The following STIM1 variants were observed in gnomAD, a reference collection of about 807,000 sequenced individuals.
The protein encoded by STIM1 is stromal interaction molecule 1.
Under a neutral mutation model 74.7 loss-of-function variants are expected in STIM1, and 25 were observed. The ratio of observed to expected loss-of-function variants is 0.33; its 90% CI spans 0.24 to 0.47. The LOEUF is 0.47. Among genes scored for constraint, STIM1 ranks in the 20% least tolerant of loss-of-function variants. STIM1 has a pLI of 1.00. For missense variants in STIM1, 728 were observed against 920.8 expected, an observed-to-expected ratio of 0.79 and a Z score of 2.71; for synonymous variants, 328 against 348.8, an observed-to-expected ratio of 0.94 and a Z score of 0.66.
chr11:3,881,630 C>T (rs2091505371), intron 1 of STIM1, among the ~76,000 whole-genome samples: 1 of 151,958 alleles, frequency 6.6e-6, no homozygotes, highest in Non-Finnish European at 1.5e-5. Context: ...CTCAGCCTCC[C>T]AAAGTGCTGG....
chr11:4,013,778 C>T (rs2093866504), intron 2 of STIM1, among the ~76,000 whole-genome samples: 2 of 138,400 alleles, frequency 1.4e-5, no homozygotes, highest in Admixed American at 7.7e-5. Flanking sequence ...GATCTTGGCT[C>T]ACTGCAAGCT....
rs1219884557 is a variant in STIM1, at chr11:4,091,497, T to C, written c.1850T>C (p.Leu617Pro). Residue 617 changes from leucine to proline, a missense_variant, in exon 13 of 13, where the codon CTG becomes CCG. Leu to Pro is a moderately conservative substitution (Grantham distance 98). This residue lies in a region of STIM1 where 352 missense variants were observed against 370.1 expected (regional missense o/e 0.95). Coordinates refer to ENST00000526596, the MANE Select transcript of STIM1 (RefSeq NM_001382567.1). ...PALAKKALLALNHGLDKAHSL... is the reference protein window; with the variant it reads ...PALAKKALLAPNHGLDKAHSL... Reference sequence around the variant, plus strand: ...CTGGCCAAGAAGGCATTACTGGCGCTGAACCATGGGCTGGACAAGGCCCAC... The same window carrying C: ...CTGGCCAAGAAGGCATTACTGGCGCCGAACCATGGGCTGGACAAGGCCCAC... The C allele has an allele frequency of 1.9e-6, 3 of 1,614,074 alleles. No homozygotes were observed. The highest frequency in any genetic ancestry group is 2.5e-6 in the Non-Finnish European group (3 of 1,180,048).
intron 2 of STIM1, chr11:3,989,493 TCTGTG>T: frequency 1.6e-6 from 1 of 637,056 alleles, no homozygotes; most frequent in Non-Finnish European, 3.0e-6. Flanking sequence ...GTGCGGGATG[TCTGTG>T]AGCCGCGGCG....
chr11:3,906,859 T>C (rs1331547454), intron 1 of STIM1, among the ~76,000 whole-genome samples: 1 of 152,218 alleles, frequency 6.6e-6, no homozygotes, highest in Non-Finnish European at 1.5e-5. Flanking sequence ...TTAAGATAGG[T>C]ACTATTAGTA....
chr11:4,068,770 G>C (rs1460577215), intron 5 of STIM1, among the ~76,000 whole-genome samples: 1 of 152,134 alleles, frequency 6.6e-6, no homozygotes, highest in Non-Finnish European at 1.5e-5. Context: ...CCCATGTTCT[G>C]CTGCTCAGCC....
chr11:4,044,012 CA>C (rs1402863043), intron 3 of STIM1, among the ~76,000 whole-genome samples: 2 of 148,348 alleles, frequency 1.3e-5, no homozygotes, highest in African/African-American at 2.5e-5. Context: ...GACTCCGCCT[CA>C]AAAAAAAAGA....
chr11:3,858,819 C>T (rs1012877535), intron 1 of STIM1, among the ~76,000 whole-genome samples: 2 of 152,192 alleles, frequency 1.3e-5, no homozygotes, highest in Non-Finnish European at 2.9e-5. Context: ...AACAGAGTCT[C>T]ACAATAGCCC....
chr11:3,867,207 A>G (rs2090892891), intron 1 of STIM1: 1 of 152,154 alleles, frequency 6.6e-6, no homozygotes, highest in Non-Finnish European at 1.5e-5. Flanking sequence ...CTTCATCCCT[A>G]TTTACTAAGC....
At chr11:3,894,499 A>G (rs2091995987) in intron 1 of STIM1, among the ~76,000 whole-genome samples, 1 of 152,142 alleles carries the variant, frequency 6.6e-6, no homozygotes. Context: ...CCTTGGGAGC[A>G]TCTAAGACTA....
At chr11:3,883,506 A>C (rs1227314325) in intron 1 of STIM1, among the ~76,000 whole-genome samples, 1 of 152,150 alleles carries the variant, frequency 6.6e-6, no homozygotes, top group Non-Finnish European at 1.5e-5. Context: ...GGCATGCGCC[A>C]CCACGCCCAG....
chr11:3,950,104 A>C (rs929700526), intron 1 of STIM1, among the ~76,000 whole-genome samples: 10 of 150,552 alleles, frequency 6.6e-5, no homozygotes, highest in African/African-American at 1.2e-4. Context: ...TTGGAAACTC[A>C]TCCAAGTTGT....
chr11:4,059,012 G>A, intron 4 of STIM1: 1 of 1,077,632 alleles, frequency 9.3e-7, no homozygotes. Flanking sequence ...AGTTGGGTGT[G>A]GGAATGGTCA....
At chr11:3,904,522 G>T (rs1469968185) in intron 1 of STIM1, among the ~76,000 whole-genome samples, 3 of 152,064 alleles carry the variant, frequency 2.0e-5, no homozygotes, top group Non-Finnish European at 2.9e-5. Flanking sequence ...CTTTACCGTC[G>T]ATATTTAAGA....
intron 2 of STIM1, among the ~76,000 whole-genome samples, chr11:4,006,614 A>G (rs112682187): frequency 3.9e-5 from 6 of 152,108 alleles, no homozygotes; most frequent in South Asian, 2.1e-4. Context: ...GGATTTGACC[A>G]TGTTGGCCAG....
At chr11:3,930,323 A>G (rs909481509) in intron 1 of STIM1, among the ~76,000 whole-genome samples, 3 of 152,268 alleles carry the variant, frequency 2.0e-5, no homozygotes, top group Non-Finnish European at 4.4e-5. Flanking sequence ...CTAATGTTAC[A>G]CAGCTGGCAA....
At chr11:4,075,478 A>AT (rs1317910947) in intron 7 of STIM1, among the ~76,000 whole-genome samples, 1 of 152,274 alleles carries the variant, frequency 6.6e-6, no homozygotes, top group Non-Finnish European at 1.5e-5. Flanking sequence ...AAATGGCATT[A>AT]TACAGTATAT....
At chr11:4,019,164 A>G (rs1232210662) in intron 2 of STIM1, 1 of 153,832 alleles carries the variant, frequency 6.5e-6, no homozygotes, top group East Asian at 1.8e-4. Flanking sequence ...CACAATGAAA[A>G]ATCATATTAG....
intron 1 of STIM1, among the ~76,000 whole-genome samples, chr11:3,928,751 TAAAGA>T (rs2092820996): frequency 6.6e-6 from 1 of 152,150 alleles, no homozygotes; most frequent in South Asian, 2.1e-4. Context: ...GTTGATGGAG[TAAAGA>T]AAAGACCATA....
intron 1 of STIM1, among the ~76,000 whole-genome samples, chr11:3,882,902 G>T (rs764412294): frequency 6.6e-5 from 10 of 152,096 alleles, no homozygotes; most frequent in Non-Finnish European, 1.0e-4. Flanking sequence ...GTTTTGACAT[G>T]CATTTCTCTA....
Sources: gnomAD v4.1 joint callset for allele counts (sites outside exome capture counted in the v4.1 genomes callset) on GRCh38, gnomAD v4.1.1 for gene constraint, gnomAD v4.1.1 regional missense constraint, MANE v1.5 for transcripts, NCBI Gene and HGNC (gene_info 2026-07-23, HGNC 2026-07-21) for gene names.